Variants in DECR1 observed in about 807,000 individuals in gnomAD.
DECR1 encodes the protein 2,4-dienoyl-CoA reductase [(3E)-enoyl-CoA-producing], mitochondrial.
A neutral mutation model predicts 38.8 loss-of-function variants in DECR1; 44 were observed. The ratio of observed to expected loss-of-function variants is 1.13; its 90% CI spans 0.89 to 1.46. The LOEUF is 1.46. DECR1 is among the 40% of genes most tolerant of loss of function. DECR1 has a pLI of 0.00. For synonymous variants in DECR1, 148 were observed against 135.2 expected, an observed-to-expected ratio of 1.09 and a Z score of -0.66; for missense variants, 428 against 405.5, an observed-to-expected ratio of 1.06 and a Z score of -0.48.
chr8:90,031,797 G>A (rs1813501588), intron 5 of DECR1, among the ~76,000 whole-genome samples: 1 of 152,146 alleles, frequency 6.6e-6, no homozygotes, highest in Admixed American at 6.6e-5. Context: ...GGCATACAAG[G>A]AGTTCAGTGT....
At chr8:90,045,911 C>G (rs1813887967) in intron 8 of DECR1, among the ~76,000 whole-genome samples, 1 of 152,180 alleles carries the variant, frequency 6.6e-6, no homozygotes, top group Non-Finnish European at 1.5e-5. Context: ...TGGTGATACC[C>G]AGGCAAACAG....
At chr8:90,042,411 CTA>C in intron 6 of DECR1, 1 of 239,108 alleles carries the variant, frequency 4.2e-6, no homozygotes, top group Non-Finnish European at 8.2e-6. Context: ...ATATTCTAAA[CTA>C]CAAATGGTAG....
intron 1 of DECR1, among the ~76,000 whole-genome samples, chr8:90,009,474 A>G (rs1370415209): frequency 1.3e-5 from 2 of 150,934 alleles, no homozygotes; most frequent in Non-Finnish European, 2.9e-5. Context: ...CCCAAGGATA[A>G]TCTTGCTGAG....
intron 8 of DECR1, among the ~76,000 whole-genome samples, chr8:90,047,128 C>A (rs1021837659): frequency 4.6e-5 from 7 of 152,098 alleles, no homozygotes; most frequent in Non-Finnish European, 8.8e-5. Context: ...CATCAACTAA[C>A]GAGCAAAATA....
chr8:90,004,269 C>T (rs897775053), intron 1 of DECR1, among the ~76,000 whole-genome samples: 9 of 151,596 alleles, frequency 5.9e-5, no homozygotes, highest in Non-Finnish European at 1.3e-4. Context: ...ATCACTTGAA[C>T]CTAGGAGGCA....
At chr8:90,009,019 T>A (rs1248243278) in intron 1 of DECR1, among the ~76,000 whole-genome samples, 1 of 152,168 alleles carries the variant, frequency 6.6e-6, no homozygotes, top group African/African-American at 2.4e-5. Context: ...AACAATCCCC[T>A]TAAAACTTAA....
At position 90,037,007 on chromosome 8, in the gene DECR1, A is replaced by G. The variant is rs1035357918; in HGVS notation, c.665+67A>G. 2.4e-5 allele frequency: 27 copies of G among 1,111,068 alleles called. No homozygotes were observed. In the South Asian group the frequency reaches 2.7e-4, roughly 11 times the overall value. The allele number at this position is 1,111,068 out of a possible 1,614,324, so 68.8% of individuals were successfully genotyped here. A position where few individuals can be genotyped will look rare whatever the true frequency, so the allele number is the denominator to read the frequency against. ...TACAGTTGGTGGCTCAGGGAACTGTATTCCTGCTTTCTGGTGTCCATCCAG... is the reference window on the plus strand; with the variant it reads ...TACAGTTGGTGGCTCAGGGAACTGTGTTCCTGCTTTCTGGTGTCCATCCAG... On this transcript the variant is annotated intron_variant, in intron 6 of 9. Transcript: ENST00000220764.
chr8:90,003,216 A>G (rs1172786690), intron 1 of DECR1: 1 of 152,176 alleles, frequency 6.6e-6, no homozygotes, highest in Non-Finnish European at 1.5e-5. Context: ...GTTCCAGGGA[A>G]CATCATGTTT....
Position 90,051,739 on chromosome 8 carries a change from G to T in DECR1, c.948G>T (p.Lys316Asn), listed in dbSNP as rs2130191553. 1.9e-6 allele frequency: 3 copies of T among 1,613,416 alleles called. 1 individual carries two copies. In the South Asian group the frequency reaches 3.3e-5, roughly 18 times the overall value. ...LISGEFNDLR[K>N]VTKEQWDTIE... is the part of the protein sequence containing the mutation. ...CAGGGGAATTCAACGACCTGAGAAA[G>T]GTAATGCTTTTGTGTGTATAATGTA... The change falls in exon 9 of 10, where the codon AAG (lysine) becomes AAT (asparagine). Residue 316 changes from lysine to asparagine, a missense_variant and splice_region_variant. Lys to Asn is a moderately conservative substitution (Grantham distance 94, BLOSUM62 0). Coordinates refer to ENST00000220764, the MANE Select transcript of DECR1 (RefSeq NM_001359.2).
rs555494846 is a variant in DECR1 at position 90,012,314 on chromosome 8, G to A, written c.70-4810G>A. Among the ~76,000 whole-genome samples the A allele has an allele frequency of 8.6e-5, 13 of 151,830 alleles. No homozygotes were observed. In the East Asian group the frequency reaches 1.9e-3, roughly 23 times the overall value. On this transcript the variant is annotated intron_variant, in intron 1 of 9. Coordinates refer to ENST00000220764, the MANE Select transcript of DECR1 (RefSeq NM_001359.2). ...ACTACAGGCGCATGCCACCACGCCC[G>A]GCTAATTTTTGTATTTTTAGTAGAG...
intron 1 of DECR1, among the ~76,000 whole-genome samples, chr8:90,002,520 C>G (rs1213045714): frequency 6.6e-6 from 1 of 152,128 alleles, no homozygotes; most frequent in Non-Finnish European, 1.5e-5. Context: ...CCAAGACAAG[C>G]CCTCCCCACA....
intron 1 of DECR1, among the ~76,000 whole-genome samples, chr8:90,008,485 A>G (rs796780234): frequency 4.6e-5 from 7 of 152,362 alleles, no homozygotes; most frequent in South Asian, 2.1e-4. Flanking sequence ...AAGGCAGTGC[A>G]GATGTAACAG....
Position 90,017,196 on chromosome 8 carries a change from C to G in DECR1, c.142C>G (p.Gln48Glu), listed in dbSNP as rs770560957. 1 of 1,614,102 alleles carries G rather than the reference C, an allele frequency of 6.2e-7. No individual in the cohort carries two copies. The highest frequency in any genetic ancestry group is 1.7e-5 in the Admixed American group (1 of 60,024). ...ALQSKFFSPL[Q>E]KAMLPPNSFQ... ...GCAATCTAAATTCTTTTCACCTCTT[C>G]AAAAAGCGATGCTACCACCTAATAG... Residue 48 changes from glutamine to glutamate, a missense_variant, in exon 2 of 10, where the codon CAA (glutamine) becomes GAA (glutamate). By Grantham distance (29) the Gln-to-Glu change is conservative. Transcript: ENST00000220764.
chr8:90,018,503 T>C (rs1032424508), intron 2 of DECR1: 5 of 137,158 alleles, frequency 3.6e-5, no homozygotes, highest in African/African-American at 1.4e-4. Flanking sequence ...AAATATATTA[T>C]TTTCATTTTA....
Position 90,052,882 on chromosome 8 carries a change from T to A in DECR1, c.*985T>A, listed in dbSNP as rs1347657481. Among the ~76,000 whole-genome samples the A allele has an allele frequency of 6.6e-6, 1 of 152,182 alleles. No homozygotes were observed. Among genetic ancestry groups the A allele is most frequent in the East Asian group, 1.9e-4 (1 of 5,192 alleles). On this transcript the variant is annotated 3_prime_UTR_variant, in exon 10 of 10. Transcript: ENST00000220764. ...AGACTGACTATCCCCATTGCCCAAG[T>A]TGACACAAGAGGAAACCAGCTTCCA...
At chr8:90,014,438 G>A (rs909268211) in intron 1 of DECR1, among the ~76,000 whole-genome samples, 1 of 152,186 alleles carries the variant, frequency 6.6e-6, no homozygotes, top group African/African-American at 2.4e-5. Flanking sequence ...AGAGGGTAAT[G>A]AGAATTAAAA....
chr8:90,003,972 T>C (rs892434042), intron 1 of DECR1, among the ~76,000 whole-genome samples: 12 of 152,056 alleles, frequency 7.9e-5, no homozygotes, highest in African/African-American at 2.7e-4. Context: ...GAATAGGATA[T>C]ATCTAAATTC....
intron 5 of DECR1, among the ~76,000 whole-genome samples, chr8:90,028,507 T>C (rs768736365): frequency 2.4e-4 from 37 of 152,264 alleles, no homozygotes; most frequent in Non-Finnish European, 4.3e-4. Flanking sequence ...ACCAGAAAGC[T>C]AGAATTCCTT....
intron 5 of DECR1, among the ~76,000 whole-genome samples, chr8:90,033,942 A>G (rs902047312): frequency 6.6e-6 from 1 of 152,166 alleles, no homozygotes; most frequent in African/African-American, 2.4e-5. Context: ...TCTGTTGTCA[A>G]TGTACTGTAA....
Sources: gnomAD v4.1 joint callset for allele counts (sites outside exome capture counted in the v4.1 genomes callset) on GRCh38, gnomAD v4.1.1 for gene constraint, MANE v1.5 for transcripts, NCBI Gene and HGNC (gene_info 2026-07-23, HGNC 2026-07-21) for gene names.